Variants in MICAL2 observed in about 807,000 individuals in gnomAD.
MICAL2 encodes the protein [F-actin]-monooxygenase MICAL2.
Under a neutral mutation model 127.3 loss-of-function variants are expected in MICAL2, and 77 were observed. The observed-to-expected ratio is 0.60, with a 90% CI of 0.50 to 0.73. The LOEUF (loss-of-function observed/expected upper bound fraction) is 0.73. MICAL2 is among the 30% of genes least tolerant of loss of function. The pLI, the probability that MICAL2 is intolerant of heterozygous loss-of-function variation, is 0.00. For synonymous variants in MICAL2, 570 were observed against 551.1 expected, an observed-to-expected ratio of 1.03 and a Z score of -0.48; for missense variants, 1,351 against 1,434.4, an observed-to-expected ratio of 0.94 and a Z score of 0.94.
rs772022021 is a variant in MICAL2 at position 12,242,434 on chromosome 11, TGA to T, written c.2556+7_2556+8del. On this transcript the variant is annotated splice_donor_region_variant and intron_variant, in intron 19 of 27. Coordinates refer to ENST00000683283, the MANE Select transcript of MICAL2 (RefSeq NM_001282663.2). Reference sequence around the variant, plus strand: ...CAAGTGGAGGAAAAGATTCTCCAGGTGAGAGACTCACTTTTTGCCCGTCTCTG... The same window carrying T: ...CAAGTGGAGGAAAAGATTCTCCAGGTGAGACTCACTTTTTGCCCGTCTCTG... 2 of 1,597,678 alleles carry T rather than the reference TGA, an allele frequency of 1.3e-6. No individual in the cohort carries two copies. The highest frequency in any genetic ancestry group is 4.5e-5 in the East Asian group (2 of 44,600).
At position 12,256,891 on chromosome 11, in the gene MICAL2, T is replaced by G; in HGVS notation, c.3062T>G (p.Phe1021Cys). The G allele has an allele frequency of 6.2e-7, 1 of 1,614,172 alleles. No individual in the cohort carries two copies. Among genetic ancestry groups the G allele is most frequent in the Non-Finnish European group, 8.5e-7 (1 of 1,180,016 alleles). ...VMERLSAEGH[F>C]FHRECFRCSI... is the part of the protein sequence containing the mutation. Reference sequence around the variant, plus strand: ...GAACGGCTGAGCGCCGAGGGCCACTTCTTCCACCGGGAGTGTTTCCGCTGC... The same window carrying G: ...GAACGGCTGAGCGCCGAGGGCCACTGCTTCCACCGGGAGTGTTTCCGCTGC... The change falls in exon 24 of 28, where the codon TTC (phenylalanine) becomes TGC (cysteine). Residue 1021 changes from phenylalanine (F) to cysteine (C), a missense_variant. By Grantham distance (205) the Phe-to-Cys change is radical (BLOSUM62 -2). Transcript: ENST00000683283.
chr11:12,294,470 A>G, downstream of MICAL2: 1 of 1,614,168 alleles, frequency 6.2e-7, no homozygotes, highest in Non-Finnish European at 8.5e-7. Flanking sequence ...CCGCACCCAC[A>G]GTTTGCCCAA....
At chr11:12,164,499 C>T (rs2133822535) in intron 3 of MICAL2, among the ~76,000 whole-genome samples, 1 of 152,272 alleles carries the variant, frequency 6.6e-6, no homozygotes. Flanking sequence ...CTCATATTAA[C>T]AGGAAGGTCC....
At position 12,221,724 on chromosome 11, in the gene MICAL2, C is replaced by A. The variant is rs1410860607; in HGVS notation, c.1287C>A (p.Asn429Lys). ...CGGCATGGATGGTGAAGAGCTGGAACCAGGGCACCCCTCCCCTGGAGCTGC... is the reference window on the plus strand; with the variant it reads ...CGGCATGGATGGTGAAGAGCTGGAAACAGGGCACCCCTCCCCTGGAGCTGC... ...FDTAWMVKSW[N>K]QGTPPLELLA... is the part of the protein sequence containing the mutation. Residue 429 changes from asparagine to lysine, a missense_variant, in exon 10 of 28, where the codon AAC becomes AAA. Physicochemically the swap from Asn to Lys is moderately conservative, Grantham distance 94 (BLOSUM62 0). Around this residue, in one of 2 missense-constraint regions of MICAL2, gnomAD observed 599 missense variants for 714.9 expected, o/e 0.84. Coordinates refer to ENST00000683283, the MANE Select transcript of MICAL2 (RefSeq NM_001282663.2). 9.3e-6 allele frequency: 15 copies of A among 1,613,748 alleles called. No individual in the cohort carries two copies. The highest frequency in any genetic ancestry group is 1.3e-5 in the Non-Finnish European group (15 of 1,179,838).
chr11:12,335,459 TA>T, intron 32 of MICAL2, among the ~76,000 whole-genome samples: 1 of 152,148 alleles, frequency 6.6e-6, no homozygotes, highest in Non-Finnish European at 1.5e-5. Context: ...TGAGTTTAAT[TA>T]GATCCCATTT....
intron 3 of MICAL2, among the ~76,000 whole-genome samples, chr11:12,180,358 T>G (rs1857311609): frequency 6.6e-6 from 1 of 151,052 alleles, no homozygotes; most frequent in Non-Finnish European, 1.5e-5. Context: ...TATTTTTTTT[T>G]TGGCAGGAAG....
intron 26 of MICAL2, chr11:12,260,138 G>A: frequency 6.5e-7 from 1 of 1,531,718 alleles, no homozygotes; most frequent in African/African-American, 1.4e-5. Context: ...ATCTGCAACT[G>A]GGTGCTCAGG....
At chr11:12,255,911 G>T (rs1358713703) in intron 23 of MICAL2, 161 bp downstream of exon 23, 2 of 578,564 alleles carry the variant, frequency 3.5e-6, no homozygotes, top group Non-Finnish European at 6.2e-6. Flanking sequence ...GAAGTTAAAA[G>T]GAGCCTGCTT....
chr11:12,241,042 A>G lies in MICAL2; in HGVS notation c.2217A>G (p.Glu739=), dbSNP rs1009130089. 1.2e-6 allele frequency: 2 copies of G among 1,613,506 alleles called. No individual in the cohort carries two copies. The highest frequency in any genetic ancestry group is 1.7e-6 in the Non-Finnish European group (2 of 1,179,774). ...TGGACTCGCCTTTCTTCTCCCAGGA[A>G]CGCCGTGTCTCAGGGATAGGTAAGC... ...STRNPSLMKQ[E]RRVSGIGKPV... is the part of the protein sequence containing the mutation. Residue 739 remains glutamate (E), a splice_region_variant and synonymous_variant, in exon 18 of 28, where the codon GAA becomes GAG. Transcript: ENST00000683283.
At chr11:12,198,978 G>A (rs1860307178) in intron 3 of MICAL2, among the ~76,000 whole-genome samples, 1 of 152,164 alleles carries the variant, frequency 6.6e-6, no homozygotes, top group African/African-American at 2.4e-5. Context: ...TGCAGGGAAG[G>A]AGCCAAGTCC....
intron 2 of MICAL2, among the ~76,000 whole-genome samples, chr11:12,283,824 T>A (rs1863796550): frequency 6.6e-6 from 1 of 152,228 alleles, no homozygotes; most frequent in African/African-American, 2.4e-5. Flanking sequence ...CCCAAGAGGA[T>A]GGCCTGAAAT....
chr11:12,335,522 A>C (rs12292014), intron 32 of MICAL2, among the ~76,000 whole-genome samples: 32,407 of 151,088 alleles, frequency 0.21, 4,014 homozygotes, highest in African/African-American at 0.32. Context: ...TCATGAAGTC[A>C]TTGCCCATGC....
At chr11:12,161,317 TC>T (rs1236035710) in intron 2 of MICAL2, 6 of 152,218 alleles carry the variant, frequency 3.9e-5, no homozygotes, top group African/African-American at 1.2e-4. Context: ...ATCGCATTTT[TC>T]CCTTCCATGA....
chr11:12,242,820 C>CA (rs753784604), intron 20 of MICAL2, 48 bp downstream of exon 20: 40 of 1,406,054 alleles, frequency 2.8e-5, no homozygotes, highest in Admixed American at 9.2e-5. Flanking sequence ...GCTGGACATC[C>CA]AGCCAGGTGA....
intron 21 of MICAL2, among the ~76,000 whole-genome samples, chr11:12,246,790 G>A (rs1295933242): frequency 6.6e-6 from 1 of 152,130 alleles, no homozygotes; most frequent in Non-Finnish European, 1.5e-5. Context: ...TTTATTGAAT[G>A]AAAATCCATT....
downstream of MICAL2, chr11:12,292,413 G>A: frequency 8.9e-7 from 1 of 1,127,164 alleles, no homozygotes; most frequent in Non-Finnish European, 1.3e-6. Context: ...TAAGTGCAAA[G>A]CCAGCGCCAG....
intron 1 of MICAL2, among the ~76,000 whole-genome samples, chr11:12,125,047 T>C (rs2133499566): frequency 6.6e-6 from 1 of 152,334 alleles, no homozygotes; most frequent in South Asian, 2.1e-4. Flanking sequence ...AAAGCCAGGC[T>C]TAGCCTTTAG....
At chr11:12,143,298 G>A (rs914710458) in intron 2 of MICAL2, among the ~76,000 whole-genome samples, 2 of 152,178 alleles carry the variant, frequency 1.3e-5, no homozygotes, top group African/African-American at 4.8e-5. Flanking sequence ...TCTTAGCTGA[G>A]GGTGCAAGGA....
chr11:12,166,104 A>G (rs752283609), intron 3 of MICAL2, among the ~76,000 whole-genome samples: 2 of 152,186 alleles, frequency 1.3e-5, no homozygotes, highest in Non-Finnish European at 2.9e-5. Flanking sequence ...AGAACCTGCA[A>G]TATGTAATTT....
Sources: gnomAD v4.1 joint callset for allele counts (sites outside exome capture counted in the v4.1 genomes callset) on GRCh38, gnomAD v4.1.1 for gene constraint, gnomAD v4.1.1 regional missense constraint, MANE v1.5 for transcripts, NCBI Gene and HGNC (gene_info 2026-07-23, HGNC 2026-07-21) for gene names.